Variants in HEATR1 observed in about 807,000 individuals in gnomAD.
The protein encoded by HEATR1 is HEAT repeat-containing protein 1.
In HEATR1, 77 loss-of-function variants were observed where a neutral mutation model predicts 248.2. That is an observed-to-expected ratio of 0.31 (90% CI 0.26 to 0.37). The LOEUF (loss-of-function observed/expected upper bound fraction) is 0.37, where lower values mean the gene tolerates loss of function less well. HEATR1 is among the 10% of genes least tolerant of loss of function. The pLI is 1.00. For synonymous variants in HEATR1, 897 were observed against 923.1 expected, an observed-to-expected ratio of 0.97 and a Z score of 0.51; for missense variants, 2,420 against 2,504.9, an observed-to-expected ratio of 0.97 and a Z score of 0.72.
At chr1:236,577,089 A>C (rs986734388) in intron 20 of HEATR1, 140 bp from the exon 21 acceptor site, 1 of 643,068 alleles carries the variant, frequency 1.6e-6, no homozygotes, top group African/African-American at 1.8e-5. Context: ...TGAATATTTA[A>C]TATTCCAGAG....
intron 33 of HEATR1, among the ~76,000 whole-genome samples, chr1:236,560,693 C>A (rs1663108959): frequency 6.6e-6 from 1 of 152,146 alleles, no homozygotes; most frequent in Non-Finnish European, 1.5e-5. Context: ...AGGAGGCAAA[C>A]CCCGAGGACA....
At chr1:236,577,159 A>C (rs990807090) in intron 20 of HEATR1, among the ~76,000 whole-genome samples, 1 of 149,598 alleles carries the variant, frequency 6.7e-6, no homozygotes, top group Non-Finnish European at 1.5e-5. Context: ...GCATACTATA[A>C]ACTCTGTTCT....
chr1:236,576,422 TACA>T (rs1391161787), intron 21 of HEATR1, 45 bp from the exon 22 acceptor site: 1 of 1,352,992 alleles, frequency 7.4e-7, no homozygotes. Flanking sequence ...GTTAAGAAAC[TACA>T]AAGGCTAAAT....
chr1:236,570,017 G>A (rs10754578), intron 28 of HEATR1, among the ~76,000 whole-genome samples: 14,764 of 152,124 alleles, frequency 0.097, 1,272 homozygotes, highest in African/African-American at 0.23. Context: ...AGCCGGGCAC[G>A]GTGGCTCACG....
At chr1:236,556,731 A>T (rs977505088) in intron 37 of HEATR1, among the ~76,000 whole-genome samples, 1 of 152,208 alleles carries the variant, frequency 6.6e-6, no homozygotes, top group Admixed American at 6.5e-5. Flanking sequence ...CCAGGTCTCA[A>T]CATTCTTGAG....
intron 9 of HEATR1, among the ~76,000 whole-genome samples, chr1:236,593,532 T>C (rs1372612857): frequency 1.4e-5 from 2 of 142,828 alleles, no homozygotes; most frequent in East Asian, 2.0e-4. Context: ...TTTACACCTA[T>C]GTCTGACCAC....
intron 9 of HEATR1, among the ~76,000 whole-genome samples, chr1:236,593,275 C>T (rs1380339266): frequency 6.6e-6 from 1 of 151,744 alleles, no homozygotes; most frequent in South Asian, 2.1e-4. Context: ...AGGCAACATT[C>T]AGTAAGCCCT....
At chr1:236,597,779 A>G in intron 5 of HEATR1, 99 bp downstream of exon 5, 2 of 710,586 alleles carry the variant, frequency 2.8e-6, no homozygotes, top group Non-Finnish European at 4.6e-6. Flanking sequence ...AAATTTATCC[A>G]AAGTATCATT....
intron 3 of HEATR1, among the ~76,000 whole-genome samples, chr1:236,601,254 GT>G (rs150598708): frequency 2.7e-4 from 38 of 142,534 alleles, no homozygotes; most frequent in South Asian, 4.5e-4. Context: ...TCCATTTTTT[GT>G]TTTTTTTTTT....
intron 33 of HEATR1, 103 bp from the exon 34 acceptor site, chr1:236,559,940 A>G: frequency 3.3e-6 from 4 of 1,227,342 alleles, no homozygotes; most frequent in Middle Eastern, 2.1e-4. Flanking sequence ...GACGAGTTAA[A>G]TAATTCTGTA....
intron 32 of HEATR1, among the ~76,000 whole-genome samples, chr1:236,562,796 A>G (rs1042600326): frequency 1.3e-5 from 2 of 152,186 alleles, no homozygotes; most frequent in South Asian, 2.1e-4. Context: ...GTGTCCCTTC[A>G]TATCTTGCAC....
chr1:236,590,826 A>G (rs1404334532), intron 12 of HEATR1, 21 bp downstream of exon 12: 1 of 1,351,858 alleles, frequency 7.4e-7, no homozygotes, highest in African/African-American at 1.5e-5. Context: ...AAACCATATA[A>G]AAAAGCGATC....
intron 29 of HEATR1, 76 bp downstream of exon 29, chr1:236,568,920 A>AAT: frequency 9.5e-7 from 1 of 1,049,258 alleles, no homozygotes; most frequent in Non-Finnish European, 1.3e-6. Context: ...ACTAAAAAAA[A>AAT]GGCTTTTAAT....
At chr1:236,583,333 GGT>G in intron 17 of HEATR1, 137 bp from the exon 18 acceptor site, 1 of 657,660 alleles carries the variant, frequency 1.5e-6, no homozygotes, top group Admixed American at 3.0e-5. Flanking sequence ...GAACTGCTTT[GGT>G]CGGATTTTTA....
chr1:236,562,968 G>A (rs911962093), intron 32 of HEATR1, among the ~76,000 whole-genome samples: 7 of 152,182 alleles, frequency 4.6e-5, no homozygotes, highest in African/African-American at 1.7e-4. Flanking sequence ...AGTTCAGCCA[G>A]CCTGCTTGAT....
At chr1:236,594,478 C>T (rs1664122503) in intron 8 of HEATR1, among the ~76,000 whole-genome samples, 1 of 152,118 alleles carries the variant, frequency 6.6e-6, no homozygotes, top group Admixed American at 6.5e-5. Flanking sequence ...ATCTCAGTAC[C>T]CACCCCCTTA....
At chr1:236,597,080 G>C in intron 5 of HEATR1, 104 bp from the exon 6 acceptor site, 2 of 991,448 alleles carry the variant, frequency 2.0e-6, no homozygotes, top group Non-Finnish European at 2.9e-6. Context: ...AACTATGATG[G>C]CACCACTGTA....
chr1:236,589,627 TGTA>T (rs1278082750), intron 12 of HEATR1, among the ~76,000 whole-genome samples: 11 of 152,238 alleles, frequency 7.2e-5, no homozygotes, highest in South Asian at 4.1e-4. Context: ...TGATTTTACT[TGTA>T]GTAAGAATCT....
intron 4 of HEATR1, among the ~76,000 whole-genome samples, chr1:236,599,071 T>C (rs1664250410): frequency 6.6e-6 from 1 of 152,252 alleles, no homozygotes; most frequent in African/African-American, 2.4e-5. Context: ...AAGTATTTTC[T>C]GCCTTTCTTC....
Sources: allele counts gnomAD v4.1 joint callset (sites outside exome capture counted in the v4.1 genomes callset), GRCh38; gene constraint gnomAD v4.1.1; transcripts MANE v1.5; gene names NCBI Gene and HGNC (gene_info 2026-07-23, HGNC 2026-07-21).